Variants in GSE1 observed in about 807,000 individuals in gnomAD.
GSE1 encodes Gse1 coiled-coil protein, also known as genetic suppressor element 1.
In GSE1, 32 loss-of-function variants were observed where a neutral mutation model predicts 112.6. The ratio of observed to expected loss-of-function variants is 0.28; its 90% CI spans 0.21 to 0.38. GSE1 has a LOEUF of 0.38. Ranked by LOEUF, GSE1 falls within the 10% of genes least tolerant of loss-of-function variation. The pLI is 1.00. For missense variants in GSE1, 2,348 were observed against 1,699.2 expected, an observed-to-expected ratio of 1.38 and a Z score of -6.71; for synonymous variants, 1,115 against 735.6, an observed-to-expected ratio of 1.52 and a Z score of -8.35.
intron 1 of GSE1, among the ~76,000 whole-genome samples, chr16:85,187,740 G>A (rs1292541407): frequency 1.3e-5 from 2 of 152,210 alleles, no homozygotes; most frequent in Non-Finnish European, 2.9e-5. Context: ...CCACACACAG[G>A]GACAGGCTTG....
At chr16:85,213,898 T>G (rs917396006) in intron 1 of GSE1, among the ~76,000 whole-genome samples, 11 of 152,156 alleles carry the variant, frequency 7.2e-5, no homozygotes, top group Non-Finnish European at 1.6e-4. Flanking sequence ...CTGTGCCAGG[T>G]CAGTCACGTG....
At position 85,641,737 on chromosome 16, in the gene GSE1, G is replaced by T. The variant is rs140800801; in HGVS notation, c.227-6815G>T. 9.3e-4 allele frequency among the ~76,000 whole-genome samples: 141 copies of T among 152,354 alleles called. 1 individual carries two copies. The highest frequency in any genetic ancestry group is 3.0e-3 in the African/African-American group (123 of 41,586). The stretch of plus-strand genomic sequence containing the variant: ...GGGCTGATTGGCTCTTTCCTCTGGG[G>T]TCTGCTATTCCCGTTCCACTGGGCA... On this transcript the variant is annotated intron_variant, in intron 2 of 15. Transcript: ENST00000253458.
In GSE1 at chr16:85,599,647, C is replaced by T. The variant is rs544436816; in HGVS notation, c.37+43284C>T. 5.3e-5 allele frequency among the ~76,000 whole-genome samples: 8 copies of T among 152,350 alleles called. No homozygotes were observed. In the South Asian group the frequency reaches 1.7e-3, roughly 32 times the overall value. On this transcript the variant is annotated intron_variant, in intron 1 of 2. Transcript: ENST00000635906. The stretch of plus-strand genomic sequence containing the variant: ...GCCTTCTCTGGACCTGAAGAATTGC[C>T]AGAAATGGGCTGAGGCAGTTGGAGG...
chr16:85,295,561 G>A (rs1278795699), intron 1 of GSE1, among the ~76,000 whole-genome samples: 5 of 152,292 alleles, frequency 3.3e-5, no homozygotes, highest in East Asian at 1.9e-4. Context: ...TGACTTAGCC[G>A]TGGAAGTTAC....
At chr16:85,424,802 C>T (rs1054139557) in intron 2 of GSE1, among the ~76,000 whole-genome samples, 23 of 152,262 alleles carry the variant, frequency 1.5e-4, no homozygotes, top group Non-Finnish European at 2.4e-4. Context: ...CGTGGCATGG[C>T]GAGGGCCGCT....
chr16:85,411,575 C>A (rs1357592982), intron 2 of GSE1, among the ~76,000 whole-genome samples: 2 of 31,128 alleles, frequency 6.4e-5, no homozygotes, highest in Non-Finnish European at 1.5e-4. Context: ...CACTCAGGGC[C>A]CCCCCGGATA....
intron 2 of GSE1, among the ~76,000 whole-genome samples, chr16:85,480,923 G>A (rs2050659071): frequency 6.6e-6 from 1 of 152,214 alleles, no homozygotes; most frequent in Non-Finnish European, 1.5e-5. Context: ...CACCGGCGGT[G>A]CCCCCAGGGA....
At chr16:85,470,080 T>G (rs1365296805) in intron 2 of GSE1, among the ~76,000 whole-genome samples, 1 of 152,180 alleles carries the variant, frequency 6.6e-6, no homozygotes, top group African/African-American at 2.4e-5. Context: ...ACTCTGAGGG[T>G]GAGGGCCACG....
chr16:85,661,627 C>G lies in GSE1; in HGVS notation c.2122C>G (p.Pro708Ala). ...CGGGGAGCTCAGCGGACCCCTGAAG[C>G]CTGGCTCGCCCTACCGGCCCCCAGT... Reference protein sequence around the residue: ...TFGELSGPLKPGSPYRPPVPR... With the variant: ...TFGELSGPLKAGSPYRPPVPR... The change falls in exon 9 of 16, where the codon CCT becomes GCT. Residue 708 changes from proline (P) to alanine (A), a missense_variant. Transcript: ENST00000253458. 6.2e-7 allele frequency: 1 copy of G among 1,611,326 alleles called. No individual in the cohort carries two copies. The highest frequency in any genetic ancestry group is 8.5e-7 in the Non-Finnish European group (1 of 1,179,504).
chr16:85,648,762 C>A lies in GSE1; in HGVS notation c.426+11C>A, dbSNP rs369786356. 2 of 1,541,240 alleles carry A rather than the reference C, an allele frequency of 1.3e-6. No individual in the cohort carries two copies. Among genetic ancestry groups the A allele is most frequent in the African/African-American group, 1.4e-5 (1 of 72,250 alleles). ...AGTGAGAGCCGGCAGGTGAGTGGGGCGGGGCAGGGAGCCTAGCGTCCTCTA... is the reference window on the plus strand; with the variant it reads ...AGTGAGAGCCGGCAGGTGAGTGGGGAGGGGCAGGGAGCCTAGCGTCCTCTA... On this transcript the variant is annotated intron_variant, in intron 3 of 15. Transcript: ENST00000253458.
At chr16:85,505,948 G>A (rs1331911378) in intron 2 of GSE1, among the ~76,000 whole-genome samples, 2 of 151,922 alleles carry the variant, frequency 1.3e-5, no homozygotes, top group Admixed American at 1.3e-4. Context: ...ATTCCAGCCT[G>A]GGGGAGACCC....
chr16:85,218,900 GAC>G (rs1232329662), intron 1 of GSE1, among the ~76,000 whole-genome samples: 1 of 151,878 alleles, frequency 6.6e-6, no homozygotes, highest in Non-Finnish European at 1.5e-5. Flanking sequence ...TTTTTTTTGA[GAC>G]AGAGTCTGGC....
At chr16:85,423,869 T>G (rs2048908040) in intron 2 of GSE1, among the ~76,000 whole-genome samples, 1 of 152,242 alleles carries the variant, frequency 6.6e-6, no homozygotes, top group Admixed American at 6.5e-5. Context: ...CCCAGCCTCG[T>G]GGGACATCTT....
intron 2 of GSE1, among the ~76,000 whole-genome samples, chr16:85,371,876 T>G (rs35200089): frequency 0.3 from 46,027 of 152,116 alleles, 7,286 homozygotes; most frequent in Middle Eastern, 0.39. Context: ...CTCCCAAGCT[T>G]CCTACTGCTT....
In GSE1 at chr16:85,634,587, C is replaced by CG. The variant is rs1012177657; in HGVS notation, c.226+460dup. ...TCCCTGGAAACACAGTGGTCTGGAG[C>CG]GGGGGTCTCTGGCACAGCTGAACCC... On this transcript the variant is annotated intron_variant, in intron 2 of 15. Transcript: ENST00000253458. 2.0e-5 allele frequency among the ~76,000 whole-genome samples: 3 copies of CG among 152,120 alleles called. No individual in the cohort carries two copies. The East Asian group carries it at 5.8e-4, about 29-fold the overall frequency.
chr16:85,421,120 G>T (rs892314769), intron 2 of GSE1, among the ~76,000 whole-genome samples: 2 of 152,346 alleles, frequency 1.3e-5, no homozygotes, highest in African/African-American at 4.8e-5. Context: ...AGCCCGGCAC[G>T]CAGTGGGCGC....
chr16:85,619,692 G>A (rs936135729), intron 1 of GSE1, among the ~76,000 whole-genome samples: 1 of 152,226 alleles, frequency 6.6e-6, no homozygotes, highest in Admixed American at 6.5e-5. Flanking sequence ...GGCTGCCCCA[G>A]CCTATGAGGG....
At chr16:85,570,317 A>G (rs1007723174) in intron 1 of GSE1, among the ~76,000 whole-genome samples, 2 of 151,934 alleles carry the variant, frequency 1.3e-5, no homozygotes, top group African/African-American at 4.8e-5. Flanking sequence ...AGGGAGTGCA[A>G]TGGGGAGAGG....
At chr16:85,254,440 G>A (rs543311965) in intron 1 of GSE1, among the ~76,000 whole-genome samples, 2 of 152,314 alleles carry the variant, frequency 1.3e-5, no homozygotes, top group East Asian at 1.9e-4. Context: ...CAGGTACTCA[G>A]CACATATGCT....
Sources: allele counts gnomAD v4.1 joint callset (sites outside exome capture counted in the v4.1 genomes callset), GRCh38; gene constraint gnomAD v4.1.1; transcripts MANE v1.5; gene names NCBI Gene and HGNC (gene_info 2026-07-23, HGNC 2026-07-21).